The following RNF220 variants were observed in gnomAD, a reference collection of about 807,000 sequenced individuals.
The protein encoded by RNF220 is E3 ubiquitin-protein ligase RNF220.
Under a neutral mutation model 67.1 loss-of-function variants are expected in RNF220, and 7 were observed. That is an observed-to-expected ratio of 0.10 (90% CI 0.06 to 0.20). The LOEUF (loss-of-function observed/expected upper bound fraction) is 0.20. RNF220 is among the 10% of genes least tolerant of loss of function. RNF220 has a pLI of 1.00. For missense variants in RNF220, 565 were observed against 740.3 expected, an observed-to-expected ratio of 0.76 and a Z score of 2.75; for synonymous variants, 270 against 283.2, an observed-to-expected ratio of 0.95 and a Z score of 0.47.
At chr1:44,456,598 T>C (rs2147944923) in intron 2 of RNF220, among the ~76,000 whole-genome samples, 1 of 152,326 alleles carries the variant, frequency 6.6e-6, no homozygotes, top group South Asian at 2.1e-4. Context: ...TCGTAAGTTT[T>C]GGTAGGAGCA....
chr1:44,511,986 G>C (rs1659054068), intron 2 of RNF220, among the ~76,000 whole-genome samples: 1 of 150,660 alleles, frequency 6.6e-6, no homozygotes, highest in Non-Finnish European at 1.5e-5. Flanking sequence ...AAACAGAATA[G>C]CGCTAAGTGA....
chr1:44,516,585 G>C (rs897247312), intron 2 of RNF220, among the ~76,000 whole-genome samples: 4 of 152,036 alleles, frequency 2.6e-5, no homozygotes, highest in Non-Finnish European at 5.9e-5. Flanking sequence ...TATAAGGATA[G>C]TGAGAAAAAG....
intron 2 of RNF220, among the ~76,000 whole-genome samples, chr1:44,425,914 A>G (rs1649719269): frequency 6.6e-6 from 1 of 152,152 alleles, no homozygotes; most frequent in African/African-American, 2.4e-5. Flanking sequence ...CTGACATGCC[A>G]TTCCCTCCTT....
chr1:44,620,589 C>T (rs1237424816), intron 3 of RNF220, among the ~76,000 whole-genome samples: 1 of 152,264 alleles, frequency 6.6e-6, no homozygotes, highest in African/African-American at 2.4e-5. Flanking sequence ...TCAGGGCTGG[C>T]ATGAACCATT....
intron 2 of RNF220, among the ~76,000 whole-genome samples, chr1:44,608,917 GTTACTGGAGGCA>G (rs1196151511): frequency 6.6e-6 from 1 of 152,128 alleles, no homozygotes; most frequent in Non-Finnish European, 1.5e-5. Flanking sequence ...TTGCTAGTGT[GTTACTGGAGGCA>G]CTAATGACTC....
intron 2 of RNF220, among the ~76,000 whole-genome samples, chr1:44,605,892 C>T (rs920939662): frequency 2.0e-5 from 3 of 152,200 alleles, no homozygotes; most frequent in East Asian, 1.9e-4. Flanking sequence ...CTCTGCCCCA[C>T]GGGCACCGGC....
At position 44,422,166 on chromosome 1, in the gene RNF220, C is replaced by T. The variant is rs185549090; in HGVS notation, c.625+9444C>T. On this transcript the variant is annotated intron_variant, in intron 2 of 14. Coordinates refer to ENST00000361799, the MANE Select transcript of RNF220 (RefSeq NM_018150.4). ...ATTTTTGGTTCTTGAAGGAGAAAGTCTGGGATTTAGGTCCAAATGCCAAAA... is the reference window on the plus strand; with the variant it reads ...ATTTTTGGTTCTTGAAGGAGAAAGTTTGGGATTTAGGTCCAAATGCCAAAA... Among the ~76,000 whole-genome samples the T allele has an allele frequency of 1.2e-4, 18 of 152,226 alleles. No homozygotes were observed. In the East Asian group the frequency reaches 3.5e-3, roughly 29 times the overall value.
At chr1:44,528,400 A>C (rs1311247577) in intron 2 of RNF220, among the ~76,000 whole-genome samples, 1 of 151,612 alleles carries the variant, frequency 6.6e-6, no homozygotes, top group African/African-American at 2.4e-5. Context: ...TCCCAGGTTC[A>C]TGCCATTCTC....
chr1:44,423,360 G>C (rs894977443), intron 2 of RNF220, among the ~76,000 whole-genome samples: 1 of 152,198 alleles, frequency 6.6e-6, no homozygotes, highest in African/African-American at 2.4e-5. Flanking sequence ...GGCAGGGCCT[G>C]AGACCTGACC....
At chr1:44,524,505 C>T (rs1660205930) in intron 2 of RNF220, among the ~76,000 whole-genome samples, 1 of 152,186 alleles carries the variant, frequency 6.6e-6, no homozygotes, top group South Asian at 2.1e-4. Flanking sequence ...TATTTCCCAG[C>T]TTCGTGTTGG....
chr1:44,465,396 A>G (rs1167591206), intron 2 of RNF220, among the ~76,000 whole-genome samples: 1 of 150,854 alleles, frequency 6.6e-6, no homozygotes, highest in Non-Finnish European at 1.5e-5. Flanking sequence ...TATTAAATAT[A>G]TAAAAAAATG....
chr1:44,644,924 T>C (rs1644593324), intron 9 of RNF220, 71 bp from the exon 10 acceptor site: 1 of 1,561,488 alleles, frequency 6.4e-7, no homozygotes, highest in Middle Eastern at 1.7e-4. Context: ...AGGAGGGCCA[T>C]GCTCTCCTGA....
At chr1:44,422,761 T>C (rs1572449406) in intron 2 of RNF220, among the ~76,000 whole-genome samples, 1 of 152,314 alleles carries the variant, frequency 6.6e-6, no homozygotes, top group Middle Eastern at 3.4e-3. Flanking sequence ...AAGTGCCTCC[T>C]GGAGTCTGTA....
At position 44,434,590 on chromosome 1, in the gene RNF220, G is replaced by A. The variant is rs150753361; in HGVS notation, c.625+21868G>A. 4.6e-4 allele frequency among the ~76,000 whole-genome samples: 70 copies of A among 151,870 alleles called. 3 individuals are homozygous for A. In the East Asian group the frequency reaches 0.012, roughly 25 times the overall value. On this transcript the variant is annotated intron_variant, in intron 2 of 14. Coordinates refer to ENST00000361799, the MANE Select transcript of RNF220 (RefSeq NM_018150.4). The stretch of plus-strand genomic sequence containing the variant: ...AAATTAGCCAGGCATGGTGGTGGGC[G>A]CCTGTAGTCCTAGCTACTCGGGAGG...
At chr1:44,607,487 CTTTT>C (rs10550619) in intron 2 of RNF220, among the ~76,000 whole-genome samples, 21 of 118,726 alleles carry the variant, frequency 1.8e-4, no homozygotes, top group Admixed American at 4.3e-4. Context: ...GTGCTGTTTT[CTTTT>C]TTTTTTTTTT....
Position 44,417,943 on chromosome 1 carries a change from C to T in RNF220, c.625+5221C>T, listed in dbSNP as rs1344484736. Among the ~76,000 whole-genome samples the T allele has an allele frequency of 6.6e-6, 1 of 151,890 alleles. No individual in the cohort carries two copies. Among genetic ancestry groups the T allele is most frequent in the African/African-American group, 2.4e-5 (1 of 41,412 alleles). ...GCCGCAGGAGGACTCCGCGCGCCGC[C>T]TCGAGGGCCGGGAGCGCCCAGCCCG... On this transcript the variant is annotated intron_variant, in intron 2 of 14. Coordinates refer to ENST00000361799, the MANE Select transcript of RNF220 (RefSeq NM_018150.4). The surrounding 1 kb of genome is among the most constrained non-coding windows in gnomAD (Gnocchi z 4.0).
At chr1:44,640,580 G>A (rs1048947593) in intron 8 of RNF220, among the ~76,000 whole-genome samples, 20 of 152,354 alleles carry the variant, frequency 1.3e-4, no homozygotes, top group African/African-American at 4.6e-4. Flanking sequence ...CTCTCCTGAC[G>A]TGAGGCAGTG....
intron 2 of RNF220, among the ~76,000 whole-genome samples, chr1:44,413,470 C>T (rs1648200512): frequency 6.6e-6 from 1 of 152,122 alleles, no homozygotes; most frequent in Non-Finnish European, 1.5e-5. Context: ...CTCCAAGTGC[C>T]TTGTTGGGCT....
chr1:44,595,437 G>T (rs535921801), intron 2 of RNF220, among the ~76,000 whole-genome samples: 7 of 152,322 alleles, frequency 4.6e-5, no homozygotes, highest in Middle Eastern at 6.8e-3. Flanking sequence ...CTGGCTCCCC[G>T]GGACAGACTA....
Sources: gnomAD v4.1 joint callset for allele counts (sites outside exome capture counted in the v4.1 genomes callset) on GRCh38, gnomAD v4.1.1 for gene constraint, Gnocchi (gnomAD v3.1) non-coding constraint, MANE v1.5 for transcripts, NCBI Gene and HGNC (gene_info 2026-07-23, HGNC 2026-07-21) for gene names.